The following CSMD3 variants were observed in gnomAD, a reference collection of about 807,000 sequenced individuals.
The protein encoded by CSMD3 is CUB and Sushi multiple domains 3, also known as CUB and sushi domain-containing protein 3.
A neutral mutation model predicts 435.2 loss-of-function variants in CSMD3; 177 were observed. That is an observed-to-expected ratio of 0.41 (90% CI 0.36 to 0.46). CSMD3 has a LOEUF of 0.46. Ranked by LOEUF, CSMD3 falls within the 20% of genes least tolerant of loss-of-function variation. CSMD3 has a pLI of 0.34. For synonymous variants in CSMD3, 1,656 were observed against 1,520.5 expected (o/e 1.09, Z -2.07); for missense variants, 4,265 against 4,504.6 (o/e 0.95, Z 1.52).
At chr8:113,298,481 T>C (rs1027551883) in intron 2 of CSMD3, among the ~76,000 whole-genome samples, 2 of 152,202 alleles carry the variant, frequency 1.3e-5, no homozygotes, top group Non-Finnish European at 2.9e-5. Context: ...TGTTTCATAA[T>C]AAAATATTCC....
intron 20 of CSMD3, 43 bp from the exon 21 acceptor site, chr8:112,638,954 T>C (rs776813826): frequency 7.4e-7 from 1 of 1,343,906 alleles, no homozygotes; most frequent in East Asian, 2.3e-5. Context: ...GGTAGATCAG[T>C]AAAACACAGA....
chr8:113,364,427 T>C lies in CSMD3; in HGVS notation c.179-49634A>G, dbSNP rs7819831. On this transcript the variant is annotated intron_variant, in intron 1 of 70. Transcript: ENST00000297405. ...AAGAACACTTGAAAAGAAAAAAAAT[T>C]TGAATGTGGAAATGAAATGCTAGCC... Among the ~76,000 whole-genome samples the C allele has an allele frequency of 9.7e-3, 1,471 of 152,142 alleles. 21 individuals carry two copies. Among genetic ancestry groups the C allele is most frequent in the African/African-American group, 0.031 (1,296 of 41,546 alleles).
chr8:113,026,317 C>T (rs2086874452), intron 5 of CSMD3, among the ~76,000 whole-genome samples: 1 of 152,168 alleles, frequency 6.6e-6, no homozygotes, highest in African/African-American at 2.4e-5. Context: ...AACTTCCATT[C>T]TGGGTTTCTG....
At chr8:112,404,065 G>T (rs887581512) in intron 35 of CSMD3, among the ~76,000 whole-genome samples, 2 of 152,042 alleles carry the variant, frequency 1.3e-5, no homozygotes, top group African/African-American at 4.8e-5. Flanking sequence ...TTTTGGGGTT[G>T]GGGTGGGAGT....
chr8:113,337,862 AAATG>A (rs1194451562), intron 1 of CSMD3, among the ~76,000 whole-genome samples: 1 of 152,000 alleles, frequency 6.6e-6, no homozygotes, highest in Non-Finnish European at 1.5e-5. Flanking sequence ...CACAAAAAAA[AAATG>A]ATAACTAAGG....
At chr8:112,433,664 A>C in intron 32 of CSMD3, among the ~76,000 whole-genome samples, 1 of 150,572 alleles carries the variant, frequency 6.6e-6, no homozygotes, top group South Asian at 2.1e-4. Flanking sequence ...CAAAAAAAAA[A>C]AAAAAAAAGA....
At chr8:112,599,340 A>T (rs2131407288) in intron 22 of CSMD3, among the ~76,000 whole-genome samples, 1 of 149,580 alleles carries the variant, frequency 6.7e-6, no homozygotes, top group East Asian at 2.0e-4. Flanking sequence ...CACCAGTTAG[A>T]ATGGCAATCA....
At chr8:113,334,590 G>A (rs1348920925) in intron 1 of CSMD3, among the ~76,000 whole-genome samples, 1 of 152,002 alleles carries the variant, frequency 6.6e-6, no homozygotes, top group Non-Finnish European at 1.5e-5. Flanking sequence ...CCTGCTTCAT[G>A]AAATGAATTG....
At chr8:112,880,100 T>A (rs931509376) in intron 10 of CSMD3, among the ~76,000 whole-genome samples, 1 of 152,028 alleles carries the variant, frequency 6.6e-6, no homozygotes, top group Non-Finnish European at 1.5e-5. Flanking sequence ...AATATAATTT[T>A]AAAAAGGCTT....
At chr8:112,769,934 CAT>C (rs1393636360) in intron 13 of CSMD3, among the ~76,000 whole-genome samples, 1 of 151,944 alleles carries the variant, frequency 6.6e-6, no homozygotes, top group Non-Finnish European at 1.5e-5. Flanking sequence ...ATATTACTCT[CAT>C]GTGTAACTGA....
chr8:112,439,758 G>C (rs1814781472), intron 32 of CSMD3, among the ~76,000 whole-genome samples: 1 of 151,984 alleles, frequency 6.6e-6, no homozygotes, highest in Non-Finnish European at 1.5e-5. Flanking sequence ...GAGCAAAGGG[G>C]GAAAAGGTCC....
intron 1 of CSMD3, among the ~76,000 whole-genome samples, chr8:113,366,966 T>C (rs1171353294): frequency 6.6e-6 from 1 of 152,044 alleles, no homozygotes; most frequent in South Asian, 2.1e-4. Context: ...AATTAGGTTA[T>C]TCCCTTTAAA....
At chr8:112,251,634 T>A (rs1312184692) in intron 63 of CSMD3, among the ~76,000 whole-genome samples, 1 of 151,820 alleles carries the variant, frequency 6.6e-6, no homozygotes, top group East Asian at 1.9e-4. Context: ...TCATATATAA[T>A]CACTATGGTT....
At chr8:113,145,579 A>G (rs1292882117) in intron 4 of CSMD3, among the ~76,000 whole-genome samples, 2 of 151,668 alleles carry the variant, frequency 1.3e-5, no homozygotes, top group African/African-American at 4.8e-5. Context: ...GAGTAATATT[A>G]GTATTATATT....
intron 41 of CSMD3, among the ~76,000 whole-genome samples, chr8:112,344,339 C>G (rs920674266): frequency 1.3e-5 from 2 of 152,190 alleles, no homozygotes; most frequent in Non-Finnish European, 2.9e-5. Context: ...CTCATTATGA[C>G]TGTAACTTAT....
intron 35 of CSMD3, among the ~76,000 whole-genome samples, chr8:112,395,369 T>C (rs1405620736): frequency 6.6e-6 from 1 of 152,186 alleles, no homozygotes; most frequent in Non-Finnish European, 1.5e-5. Context: ...CAAAAATTGC[T>C]ATTTATTATT....
intron 6 of CSMD3, among the ~76,000 whole-genome samples, chr8:112,992,410 A>C (rs915538679): frequency 4.0e-5 from 6 of 151,794 alleles, no homozygotes; most frequent in African/African-American, 9.7e-5. Flanking sequence ...TGAAGACATA[A>C]ATAGAAGGCC....
At chr8:112,456,014 C>G (rs1816805123) in intron 32 of CSMD3, among the ~76,000 whole-genome samples, 1 of 91,246 alleles carries the variant, frequency 1.1e-5, no homozygotes, top group South Asian at 3.3e-4. Context: ...CCACACTAGC[C>G]CTATACTCTG....
At chr8:112,327,286 G>A (rs1395761444) in intron 45 of CSMD3, among the ~76,000 whole-genome samples, 1 of 151,938 alleles carries the variant, frequency 6.6e-6, no homozygotes, top group African/African-American at 2.4e-5. Context: ...AAATAAACAG[G>A]TCTGGTACAA....
Sources: gnomAD v4.1 joint callset for allele counts (sites outside exome capture counted in the v4.1 genomes callset) on GRCh38, gnomAD v4.1.1 for gene constraint, MANE v1.5 for transcripts, NCBI Gene and HGNC (gene_info 2026-07-23, HGNC 2026-07-21) for gene names.